Variants in GPC6 observed in about 807,000 individuals in gnomAD.
GPC6 encodes glypican 6.
Under a neutral mutation model 55.2 loss-of-function variants are expected in GPC6, and 14 were observed. The ratio of observed to expected loss-of-function variants is 0.25; its 90% CI spans 0.17 to 0.40. The LOEUF (loss-of-function observed/expected upper bound fraction) is 0.40. Among genes scored for constraint, GPC6 ranks in the 10% least tolerant of loss-of-function variants. The pLI is 1.00. For synonymous variants in GPC6, 278 were observed against 259.6 expected (o/e 1.07, Z -0.68); for missense variants, 641 against 708.5 (o/e 0.90, Z 1.08).
At chr13:93,731,896 A>G (rs1883837364) in intron 2 of GPC6, among the ~76,000 whole-genome samples, 1 of 152,304 alleles carries the variant, frequency 6.6e-6, no homozygotes, top group South Asian at 2.1e-4. Flanking sequence ...CAGTATATAT[A>G]TGTAATAATG....
chr13:93,434,598 A>G (rs908559870), intron 1 of GPC6, among the ~76,000 whole-genome samples: 2 of 152,146 alleles, frequency 1.3e-5, no homozygotes, highest in Admixed American at 6.5e-5. Flanking sequence ...TGATTCTCTT[A>G]ATATCTGTTC....
At chr13:94,014,171 A>T (rs1019530068) in intron 3 of GPC6, among the ~76,000 whole-genome samples, 1 of 152,188 alleles carries the variant, frequency 6.6e-6, no homozygotes, top group Non-Finnish European at 1.5e-5. Flanking sequence ...TTTAATCAGT[A>T]TTCAAATGGA....
rs2139201336 is a variant in GPC6, at chr13:93,378,882, C to A, written c.160+151266C>A. 2.6e-5 allele frequency among the ~76,000 whole-genome samples: 4 copies of A among 151,724 alleles called. No homozygotes were observed. In the East Asian group the frequency reaches 5.8e-4, roughly 22 times the overall value. On this transcript the variant is annotated intron_variant, in intron 1 of 8. Coordinates refer to ENST00000377047, the MANE Select transcript of GPC6 (RefSeq NM_005708.5). Reference sequence around the variant, plus strand: ...TGGTGGTGGGTGCCTGTAATCCCAGCCCCTCCAGAGCCTGAGGCAGGAGAA... The same window carrying A: ...TGGTGGTGGGTGCCTGTAATCCCAGACCCTCCAGAGCCTGAGGCAGGAGAA...
At chr13:93,491,570 G>C (rs1165033581) in intron 1 of GPC6, among the ~76,000 whole-genome samples, 4 of 141,226 alleles carry the variant, frequency 2.8e-5, no homozygotes, top group African/African-American at 1.1e-4. Context: ...ATTGCTTTTG[G>C]TGTTTTGGAC....
chr13:93,548,054 T>A (rs1361805919), intron 2 of GPC6, among the ~76,000 whole-genome samples: 2 of 152,188 alleles, frequency 1.3e-5, no homozygotes, highest in Admixed American at 1.3e-4. Flanking sequence ...AAAAGAAGTA[T>A]CTAGGTCCAG....
chr13:93,841,230 G>A (rs1457687497), intron 3 of GPC6, among the ~76,000 whole-genome samples: 1 of 152,150 alleles, frequency 6.6e-6, no homozygotes, highest in Non-Finnish European at 1.5e-5. Flanking sequence ...TTTTAATAAA[G>A]CTTGACAGAT....
intron 4 of GPC6, among the ~76,000 whole-genome samples, chr13:94,200,429 T>C (rs762644515): frequency 1.3e-5 from 2 of 152,210 alleles, no homozygotes; most frequent in Admixed American, 6.5e-5. Flanking sequence ...TCATGCCCTA[T>C]TGCCAATGGC....
At chr13:93,588,712 G>A (rs553694286) in intron 2 of GPC6, among the ~76,000 whole-genome samples, 1 of 152,186 alleles carries the variant, frequency 6.6e-6, no homozygotes, top group Non-Finnish European at 1.5e-5. Context: ...TAAATGACCA[G>A]ATTTCATGGG....
intron 3 of GPC6, among the ~76,000 whole-genome samples, chr13:93,942,416 C>A (rs550144539): frequency 2.6e-5 from 4 of 152,124 alleles, no homozygotes; most frequent in Admixed American, 6.5e-5. Context: ...AACTCCCAGG[C>A]TTTGGTGATC....
chr13:93,580,886 C>T (rs1594284952), intron 2 of GPC6, among the ~76,000 whole-genome samples: 1 of 152,146 alleles, frequency 6.6e-6, no homozygotes, highest in Middle Eastern at 3.4e-3. Flanking sequence ...ATGAAAATCG[C>T]ATTTTTACAA....
chr13:93,866,546 G>A (rs1421487460), intron 3 of GPC6, among the ~76,000 whole-genome samples: 1 of 151,726 alleles, frequency 6.6e-6, no homozygotes, highest in Non-Finnish European at 1.5e-5. Context: ...CCATAAAAAA[G>A]AACAAGATCA....
intron 3 of GPC6, among the ~76,000 whole-genome samples, chr13:93,986,378 C>T (rs1224145602): frequency 2.0e-5 from 3 of 152,026 alleles, no homozygotes; most frequent in Non-Finnish European, 4.4e-5. Context: ...AAAATTAAGG[C>T]TTGTGTGATA....
At chr13:94,242,335 G>A (rs1891079561) in intron 4 of GPC6, among the ~76,000 whole-genome samples, 1 of 152,000 alleles carries the variant, frequency 6.6e-6, no homozygotes, top group Non-Finnish European at 1.5e-5. Flanking sequence ...AGTCAGTGTG[G>A]CGATTCCTCA....
At chr13:94,322,062 A>C (rs1876855398) in intron 6 of GPC6, among the ~76,000 whole-genome samples, 1 of 152,108 alleles carries the variant, frequency 6.6e-6, no homozygotes. Context: ...ATTTCATCTG[A>C]ATTGTAGCTC....
intron 1 of GPC6, among the ~76,000 whole-genome samples, chr13:93,538,928 CT>C (rs112356644): frequency 0.041 from 6,047 of 145,826 alleles, 347 homozygotes; most frequent in East Asian, 0.3. Flanking sequence ...TTACAATATT[CT>C]TTTTTTTTTT....
chr13:93,892,833 G>A (rs1875769886), intron 3 of GPC6, among the ~76,000 whole-genome samples: 1 of 152,114 alleles, frequency 6.6e-6, no homozygotes, highest in Admixed American at 6.6e-5. Context: ...CTAAGGAGAT[G>A]TGTTCTTCAT....
chr13:93,654,199 G>A (rs1343312965), intron 2 of GPC6, among the ~76,000 whole-genome samples: 1 of 152,026 alleles, frequency 6.6e-6, no homozygotes, highest in Non-Finnish European at 1.5e-5. Context: ...GTTCTCTGAT[G>A]TTCTGATCCA....
chr13:93,643,717 G>A (rs1880056886), intron 2 of GPC6, among the ~76,000 whole-genome samples: 1 of 152,034 alleles, frequency 6.6e-6, no homozygotes, highest in African/African-American at 2.4e-5. Flanking sequence ...CCTATAGGGA[G>A]GCCAGAGTTT....
intron 4 of GPC6, among the ~76,000 whole-genome samples, chr13:94,081,118 A>T (rs551277535): frequency 1.8e-4 from 28 of 152,326 alleles, no homozygotes; most frequent in African/African-American, 6.5e-4. Context: ...CTCAAGCAAT[A>T]GGCTTATCAC....
Sources: allele counts gnomAD v4.1 joint callset (sites outside exome capture counted in the v4.1 genomes callset), GRCh38; gene constraint gnomAD v4.1.1; transcripts MANE v1.5; gene names NCBI Gene and HGNC (gene_info 2026-07-23, HGNC 2026-07-21).